Variants in GOLGA1 observed in about 807,000 individuals in gnomAD.
GOLGA1 encodes the protein golgin A1, also known as golgin subfamily A member 1.
GOLGA1 carries 63 observed loss-of-function variants against 119.7 expected under a neutral mutation model. The ratio of observed to expected loss-of-function variants is 0.53; its 90% CI spans 0.43 to 0.65. The LOEUF (loss-of-function observed/expected upper bound fraction) is 0.65, where lower values mean the gene tolerates loss of function less well. GOLGA1 is among the 30% of genes least tolerant of loss of function. The probability of loss-of-function intolerance (pLI) is 0.00; values close to 1 mark genes in which losing one functional copy is unlikely to be tolerated. For missense variants in GOLGA1, 798 were observed against 912.8 expected, an observed-to-expected ratio of 0.87 and a Z score of 1.62; for synonymous variants, 318 against 333.4, an observed-to-expected ratio of 0.95 and a Z score of 0.50.
chr9:124,899,386 C>G lies in GOLGA1; in HGVS notation c.1254G>C (p.Gln418His), dbSNP rs1186565466. ...FLERTQALEAQIVALERTRAA... is the reference protein window; with the variant it reads ...FLERTQALEAHIVALERTRAA... ...CCCGCGTTCTCTCCAGGGCCACTAT[C>G]TGGGCTTCTAGCGCCTGGGTGCGCT... Residue 418 changes from glutamine (Q) to histidine (H), a missense_variant, in exon 14 of 23, where the codon CAG becomes CAC. By Grantham distance (24) the Gln-to-His change is conservative. Coordinates refer to ENST00000373555, the MANE Select transcript of GOLGA1 (RefSeq NM_002077.4). The G allele has an allele frequency of 6.5e-7, 1 of 1,549,600 alleles. No individual in the cohort carries two copies. The highest frequency in any genetic ancestry group is 1.4e-5 in the African/African-American group (1 of 73,200).
At chr9:124,882,428 C>A in intron 20 of GOLGA1, 82 bp downstream of exon 20, 1 of 973,082 alleles carries the variant, frequency 1.0e-6, no homozygotes, top group Non-Finnish European at 1.6e-6. Flanking sequence ...CATAGTCAGG[C>A]GGCGAGGGAC....
chr9:124,938,082 C>CAAA (rs200357362), intron 3 of GOLGA1, among the ~76,000 whole-genome samples: 2 of 66,102 alleles, frequency 3.0e-5, no homozygotes, highest in African/African-American at 1.0e-4. Context: ...GAATCCATCT[C>CAAA]AAAAAAAAAA....
rs1829526466 is a variant in GOLGA1 at position 124,879,603 on chromosome 9, AG to A, written c.*926del. On this transcript the variant is annotated 3_prime_UTR_variant, in exon 23 of 23. Coordinates refer to ENST00000373555, the MANE Select transcript of GOLGA1 (RefSeq NM_002077.4). ...GCAGCGCAGCACAGAATCAAGACAA[AG>A]CACACGAGATCCCACTGCACTTCAG... 6.6e-6 allele frequency: 1 copy of A among 151,252 alleles called. No individual in the cohort carries two copies. Among genetic ancestry groups the A allele is most frequent in the South Asian group, 2.1e-4 (1 of 4,782 alleles). 9.4% of individuals were successfully genotyped at this position (151,252 alleles called of 1,614,324 possible).
In GOLGA1 at chr9:124,888,364, G is replaced by C; in HGVS notation, c.1794C>G (p.Phe598Leu). 1 of 1,613,734 alleles carries C rather than the reference G, an allele frequency of 6.2e-7. No individual in the cohort carries two copies. Among genetic ancestry groups the C allele is most frequent in the Middle Eastern group, 1.7e-4 (1 of 6,060 alleles). The change falls in exon 19 of 23, where the codon TTC becomes TTG. Residue 598 changes from phenylalanine (F) to leucine (L), a missense_variant. Coordinates refer to ENST00000373555, the MANE Select transcript of GOLGA1 (RefSeq NM_002077.4). This position sits in a 1 kb window ranked among gnomAD's most constrained non-coding sequence, Gnocchi z 4.4. ...VTSRAMQDPVFQLPTAGRTPN... is the reference protein window; with the variant it reads ...VTSRAMQDPVLQLPTAGRTPN... ...GTGTTCTTCCTGCAGTTGGAAGCTG[G>C]AACACAGGGTCCTGCATGGCCCTCG... is the stretch of plus-strand genomic sequence containing the variant.
chr9:124,910,032 C>T (rs921603754), intron 11 of GOLGA1, among the ~76,000 whole-genome samples: 7 of 152,174 alleles, frequency 4.6e-5, no homozygotes, highest in East Asian at 1.9e-4. Context: ...CAGGTTCAAG[C>T]AATTCTCCTC....
chr9:124,905,137 G>C (rs1830198974), intron 12 of GOLGA1, among the ~76,000 whole-genome samples: 2 of 144,840 alleles, frequency 1.4e-5, no homozygotes. Context: ...TACAGCGGGA[G>C]TCCATCTCAA....
chr9:124,938,536 C>G (rs747545657), intron 3 of GOLGA1, 41 bp downstream of exon 3: 49 of 1,521,592 alleles, frequency 3.2e-5, no homozygotes, highest in Middle Eastern at 3.7e-4. Flanking sequence ...TGGAAGAATA[C>G]CCTGCAAAAG....
At chr9:124,923,409 T>C (rs921663578) in intron 7 of GOLGA1, among the ~76,000 whole-genome samples, 186 bp from the exon 8 acceptor site, 11 of 152,076 alleles carry the variant, frequency 7.2e-5, no homozygotes, top group African/African-American at 1.9e-4. Context: ...AGTGCTAAGA[T>C]TACAGACATG....
chr9:124,919,978 CAG>C (rs145813924), intron 10 of GOLGA1, among the ~76,000 whole-genome samples: 4,403 of 151,604 alleles, frequency 0.029, 227 homozygotes, highest in African/African-American at 0.097. Context: ...TTTTTTAAGA[CAG>C]AGTCTCTCTC....
intron 12 of GOLGA1, among the ~76,000 whole-genome samples, 158 bp from the exon 13 acceptor site, chr9:124,900,705 T>C (rs900807216): frequency 5.9e-5 from 9 of 152,248 alleles, no homozygotes; most frequent in Non-Finnish European, 4.4e-5. Context: ...TATAAAACAC[T>C]AGCATTCTAA....
intron 3 of GOLGA1, among the ~76,000 whole-genome samples, chr9:124,932,663 T>C (rs1830790602): frequency 6.6e-6 from 1 of 152,342 alleles, no homozygotes; most frequent in East Asian, 1.9e-4. Context: ...CTAGTTGTCT[T>C]AGTCTGTTTG....
At position 124,931,352 on chromosome 9, in the gene GOLGA1, T is replaced by G. The variant is rs760767509; in HGVS notation, c.190A>C (p.Asn64His). ...EDLSSQLLRRNEQIRKLEARL... is the reference protein window; with the variant it reads ...EDLSSQLLRRHEQIRKLEARL... Reference sequence around the variant, plus strand: ...GCCTCTAACTTCCGTATCTGTTCATTCCTTCTCAGAAGCTGGGATGAAAGA... The same window carrying G: ...GCCTCTAACTTCCGTATCTGTTCATGCCTTCTCAGAAGCTGGGATGAAAGA... The change falls in exon 4 of 23, where the codon AAT (asparagine) becomes CAT (histidine). Residue 64 changes from asparagine to histidine, a missense_variant. Physicochemically the swap from Asn to His is moderately conservative, Grantham distance 68. Coordinates refer to ENST00000373555, the MANE Select transcript of GOLGA1 (RefSeq NM_002077.4). 2 of 1,595,866 alleles carry G rather than the reference T, an allele frequency of 1.3e-6. No homozygotes were observed. Among genetic ancestry groups the G allele is most frequent in the Admixed American group, 3.3e-5 (2 of 59,980 alleles).
chr9:124,930,531 C>T (rs1830753266), intron 4 of GOLGA1, among the ~76,000 whole-genome samples: 2 of 152,174 alleles, frequency 1.3e-5, no homozygotes, highest in Non-Finnish European at 1.5e-5. Flanking sequence ...AAATACTTCA[C>T]ATACAATTTG....
intron 15 of GOLGA1, 85 bp from the exon 16 acceptor site, chr9:124,890,563 C>T: frequency 9.9e-7 from 1 of 1,013,428 alleles, no homozygotes; most frequent in South Asian, 1.3e-5. Flanking sequence ...GCAGACAGGG[C>T]ATGGCTTTGC....
chr9:124,924,930 A>G (rs1444041045), intron 7 of GOLGA1, among the ~76,000 whole-genome samples: 3 of 151,964 alleles, frequency 2.0e-5, no homozygotes, highest in Non-Finnish European at 4.4e-5. Flanking sequence ...ATATAAAAAA[A>G]TTAGCCAGGT....
At chr9:124,911,589 G>A (rs1830342484) in intron 11 of GOLGA1, among the ~76,000 whole-genome samples, 2 of 152,258 alleles carry the variant, frequency 1.3e-5, no homozygotes, top group African/African-American at 4.8e-5. Flanking sequence ...AAAATGGTGG[G>A]GAAGAGGGCA....
chr9:124,943,263 A>G (rs1041019965), upstream of GOLGA1: 1 of 152,212 alleles, frequency 6.6e-6, no homozygotes, highest in Non-Finnish European at 1.5e-5. Context: ...AATTTATTCT[A>G]CTGTTAACAC....
chr9:124,884,931 C>T (rs574542619), intron 19 of GOLGA1, among the ~76,000 whole-genome samples: 13 of 152,348 alleles, frequency 8.5e-5, no homozygotes, highest in Admixed American at 7.2e-4. Context: ...GGTGTGGTGG[C>T]TCACACCTGT....
chr9:124,938,932 T>A (rs1830938282), intron 2 of GOLGA1, 66 bp from the exon 3 acceptor site: 2 of 449,586 alleles, frequency 4.4e-6, no homozygotes, highest in Admixed American at 8.2e-5. Flanking sequence ...TCTGAGTTGT[T>A]AAGTTTTAGA....
Sources: allele counts gnomAD v4.1 joint callset (sites outside exome capture counted in the v4.1 genomes callset), GRCh38; gene constraint gnomAD v4.1.1; non-coding constraint Gnocchi (gnomAD v3.1); transcripts MANE v1.5; gene names NCBI Gene and HGNC (gene_info 2026-07-23, HGNC 2026-07-21).